The following APC variants were observed in gnomAD, a reference collection of about 807,000 sequenced individuals.
The protein encoded by APC is adenomatous polyposis coli protein.
In APC, 72 loss-of-function variants were observed where a neutral mutation model predicts 247.0. The ratio of observed to expected loss-of-function variants is 0.29; its 90% confidence interval spans 0.24 to 0.35. The LOEUF is 0.35. APC is among the 10% of genes least tolerant of loss of function. The probability of loss-of-function intolerance (pLI) is 1.00; values close to 1 mark genes in which losing one functional copy is unlikely to be tolerated. For synonymous variants in APC, 1,254 were observed against 1,162.5 expected, an observed-to-expected ratio of 1.08 and a Z score of -1.60; for missense variants, 3,400 against 3,360.7, an observed-to-expected ratio of 1.01 and a Z score of -0.29.
chr5:112,836,932 C>A (rs888794111), intron 15 of APC, among the ~76,000 whole-genome samples: 1 of 152,080 alleles, frequency 6.6e-6, no homozygotes, highest in Non-Finnish European at 1.5e-5. Flanking sequence ...ATCTCCTAAT[C>A]TCAGGTGATC....
chr5:112,841,741 AAAG>A lies in APC; in HGVS notation c.6150_6152del (p.Lys2052del). 2 of 1,614,044 alleles carry A rather than the reference AAAG, an allele frequency of 1.2e-6. No individual in the cohort carries two copies. Among genetic ancestry groups the A allele is most frequent in the South Asian group, 2.2e-5 (2 of 91,092 alleles). ...AATGTATAAGCTCCGCAATGCCAAAAAAGAAAAAGCCTTCAAGACTCAAGGGTG... is the reference window on the plus strand; with the variant it reads ...AATGTATAAGCTCCGCAATGCCAAAAAAAAAGCCTTCAAGACTCAAGGGTG... On this transcript the variant is annotated inframe_deletion, in exon 16 of 16. Coordinates refer to ENST00000257430, the MANE Select transcript of APC (RefSeq NM_000038.6). The surrounding 1 kb of genome is among the most constrained non-coding windows in gnomAD (Gnocchi z 4.6).
intron 6 of APC, among the ~76,000 whole-genome samples, chr5:112,785,416 A>C (rs1758829720): frequency 6.6e-6 from 1 of 152,220 alleles, no homozygotes; most frequent in Non-Finnish European, 1.5e-5. Flanking sequence ...TGTTCACAGT[A>C]ACAGGAAACT....
intron 6 of APC, among the ~76,000 whole-genome samples, chr5:112,784,355 A>T (rs1461631487): frequency 1.3e-5 from 2 of 152,238 alleles, no homozygotes; most frequent in Non-Finnish European, 2.9e-5. Context: ...GGCATGAGCC[A>T]CTGCACCCAG....
intron 1 of APC, among the ~76,000 whole-genome samples, chr5:112,709,921 C>G (rs181405031): frequency 2.6e-5 from 4 of 152,066 alleles, no homozygotes; most frequent in African/African-American, 9.7e-5. Flanking sequence ...CAAACAAACC[C>G]TCTCACTCTT....
chr5:112,746,263 C>T (rs1182460308), intron 1 of APC, among the ~76,000 whole-genome samples: 1 of 152,004 alleles, frequency 6.6e-6, no homozygotes, highest in Non-Finnish European at 1.5e-5. Flanking sequence ...TAAAATGGCA[C>T]CTCTTTTGAG....
intron 11 of APC, 80 bp from the exon 12 acceptor site, chr5:112,827,028 T>C: frequency 7.1e-7 from 1 of 1,408,594 alleles, no homozygotes; most frequent in Non-Finnish European, 9.9e-7. Flanking sequence ...TTTTTTTTCC[T>C]AGTATTTAAG....
In APC at chr5:112,844,761, C is replaced by T; in HGVS notation, c.*635C>T. ...TAATAATTTACACTATTTTGTGCTCCAAACAAAACAAAAATCTGTGTAACT... is the reference window on the plus strand; with the variant it reads ...TAATAATTTACACTATTTTGTGCTCTAAACAAAACAAAAATCTGTGTAACT... On this transcript the variant is annotated 3_prime_UTR_variant, in exon 16 of 16. Coordinates refer to ENST00000257430, the MANE Select transcript of APC (RefSeq NM_000038.6). 4.3e-6 allele frequency: 1 copy of T among 231,720 alleles called. No homozygotes were observed. Among genetic ancestry groups the T allele is most frequent in the African/African-American group, 2.2e-5 (1 of 45,358 alleles). The allele number at this position is 231,720 out of a possible 1,614,324, so 14.4% of individuals were successfully genotyped here. A position where few individuals can be genotyped will look rare whatever the true frequency, so the allele number is the denominator to read the frequency against.
rs1424437002 is a variant in APC, at chr5:112,755,020, A to G, written c.130A>G (p.Met44Val). The change falls in exon 2 of 16, where the codon ATG becomes GTG. Residue 44 changes from methionine to valine, a missense_variant. Around this residue, in one of 9 missense-constraint regions of APC, gnomAD observed 372 missense variants for 367.6 expected, o/e 1.01. Coordinates refer to ENST00000257430, the MANE Select transcript of APC (RefSeq NM_000038.6). ...AAAACTGGAAACTGAGGCATCTAATATGAAGGTATCAAGACTGTGACTTTT... is the reference window on the plus strand; with the variant it reads ...AAAACTGGAAACTGAGGCATCTAATGTGAAGGTATCAAGACTGTGACTTTT... ...LTKLETEASN[M>V]KEVLKQLQGS... 1.9e-6 allele frequency: 3 copies of G among 1,613,498 alleles called. No individual in the cohort carries two copies. The African/African-American group carries it at 4.0e-5, about 22-fold the overall frequency.
rs138361633 is a variant in APC at position 112,720,858 on chromosome 5, C to T, written c.165+12976C>T. 4.0e-4 allele frequency among the ~76,000 whole-genome samples: 61 copies of T among 151,900 alleles called. No individual in the cohort carries two copies. The East Asian group carries it at 7.4e-3, about 18-fold the overall frequency. On this transcript the variant is annotated intron_variant, in intron 1 of 13. Transcript: ENST00000507379. The stretch of plus-strand genomic sequence containing the variant: ...ATAATAAGCTGCTCTGGTACAGGCA[C>T]GTAAAAGTGGAATGGAATTGTTCAG...
chr5:112,831,844 C>G (rs934114449), intron 14 of APC, among the ~76,000 whole-genome samples: 5 of 152,176 alleles, frequency 3.3e-5, no homozygotes, highest in Admixed American at 1.3e-4. Context: ...TTTCTCTTTT[C>G]CAGTAACAAC....
intron 1 of APC, among the ~76,000 whole-genome samples, chr5:112,726,043 T>G (rs1482931994): frequency 6.6e-6 from 1 of 151,996 alleles, no homozygotes; most frequent in African/African-American, 2.4e-5. Flanking sequence ...CTCAAACCCC[T>G]TATGGGAGGG....
chr5:112,788,762 A>G (rs1036066491), intron 6 of APC, among the ~76,000 whole-genome samples: 2 of 152,222 alleles, frequency 1.3e-5, no homozygotes, highest in African/African-American at 2.4e-5. Context: ...CTTTAATTAT[A>G]TTACTAAATT....
chr5:112,739,003 C>T (rs982761035), intron 1 of APC, among the ~76,000 whole-genome samples: 7 of 152,156 alleles, frequency 4.6e-5, no homozygotes, highest in African/African-American at 1.7e-4. Flanking sequence ...ACGTAAATTA[C>T]TTTGTCAAAA....
chr5:112,809,711 A>G (rs1022422559), intron 8 of APC, among the ~76,000 whole-genome samples: 9 of 152,262 alleles, frequency 5.9e-5, no homozygotes, highest in African/African-American at 2.2e-4. Flanking sequence ...GTTAAAAAGT[A>G]GAAGAGAGCA....
intron 6 of APC, among the ~76,000 whole-genome samples, 190 bp from the exon 7 acceptor site, chr5:112,792,248 AAAAAAAAG>A (rs1759699889): frequency 6.6e-6 from 1 of 152,060 alleles, no homozygotes; most frequent in Non-Finnish European, 1.5e-5. Context: ...TCTGTCTCGA[AAAAAAAAG>A]AAAAAAAGAA....
chr5:112,749,479 A>ATTTTTTTTTTTTTTTTTTTTTTTTTTT (rs536428390), intron 1 of APC, among the ~76,000 whole-genome samples: 3 of 104,066 alleles, frequency 2.9e-5, no homozygotes, highest in Non-Finnish European at 3.8e-5. Context: ...TACTGCTCCA[A>ATTTTTTTTTTTTTTTTTTTTTTTTTTT]TTTTTTTTTT....
intron 7 of APC, among the ~76,000 whole-genome samples, chr5:112,799,484 T>C (rs2464802): frequency 0.093 from 14,197 of 152,162 alleles, 732 homozygotes; most frequent in Middle Eastern, 0.14. Context: ...ACTGCTTCCC[T>C]AGTGCATAGT....
At chr5:112,833,440 C>G (rs1764529177) in intron 14 of APC, among the ~76,000 whole-genome samples, 1 of 152,110 alleles carries the variant, frequency 6.6e-6, no homozygotes, top group Non-Finnish European at 1.5e-5. Flanking sequence ...CTTGGCCCCT[C>G]AAAGTGCTGG....
chr5:112,790,000 C>T lies in APC; in HGVS notation c.646-2446C>T, dbSNP rs115020841. 7.7e-3 allele frequency among the ~76,000 whole-genome samples: 1,176 copies of T among 152,214 alleles called. 18 individuals carry two copies. Among genetic ancestry groups the T allele is most frequent in the African/African-American group, 0.026 (1,100 of 41,536 alleles). On this transcript the variant is annotated intron_variant, in intron 6 of 15. Coordinates refer to ENST00000257430, the MANE Select transcript of APC (RefSeq NM_000038.6). ...TCAGCTTCCCAAGTCACTGGGACTA[C>T]AGGCGTATGCCCTCATGCCTGGCTA... is the stretch of plus-strand genomic sequence containing the variant.
Sources: gnomAD v4.1 joint callset for allele counts (sites outside exome capture counted in the v4.1 genomes callset) on GRCh38, gnomAD v4.1.1 for gene constraint, gnomAD v4.1.1 regional missense constraint, Gnocchi (gnomAD v3.1) non-coding constraint, MANE v1.5 for transcripts, NCBI Gene and HGNC (gene_info 2026-07-23, HGNC 2026-07-21) for gene names.